Variants in GALNT5 observed in about 807,000 individuals in gnomAD.
GALNT5 encodes the protein UDP-GalNAc:polypeptide N-acetylgalactosaminyltransferase 5.
A neutral mutation model predicts 85.4 loss-of-function variants in GALNT5; 72 were observed. The observed-to-expected ratio is 0.84, with a 90% CI of 0.70 to 1.03. The LOEUF (loss-of-function observed/expected upper bound fraction) is 1.03, where lower values mean the gene tolerates loss of function less well. Ranked by LOEUF, GALNT5 falls within the 50% of genes least tolerant of loss-of-function variation. GALNT5 has a pLI of 0.00. For synonymous variants in GALNT5, 404 were observed against 397.0 expected (o/e 1.02, Z -0.21); for missense variants, 1,137 against 1,135.5 (o/e 1.00, Z -0.02).
chr2:157,307,130 A>G (rs1683470646), intron 8 of GALNT5, among the ~76,000 whole-genome samples: 1 of 152,114 alleles, frequency 6.6e-6, no homozygotes, highest in African/African-American at 2.4e-5. Flanking sequence ...TTGGATGCTG[A>G]GAGGCAAAAG....
chr2:157,295,432 T>G (rs551471145), intron 3 of GALNT5, among the ~76,000 whole-genome samples: 2 of 152,206 alleles, frequency 1.3e-5, no homozygotes, highest in South Asian at 4.1e-4. Flanking sequence ...AAATGGCTTA[T>G]CAATTTTTTC....
chr2:157,277,863 T>G (rs1414537830), intron 1 of GALNT5, among the ~76,000 whole-genome samples: 1 of 152,220 alleles, frequency 6.6e-6, no homozygotes, highest in Non-Finnish European at 1.5e-5. Context: ...ATCCTTTCAT[T>G]ATGATGTTAG....
In GALNT5 at chr2:157,284,379, A is replaced by T; in HGVS notation, c.1552A>T (p.Ser518Cys). 1 of 1,613,864 alleles carries T rather than the reference A, an allele frequency of 6.2e-7. No individual in the cohort carries two copies. Among genetic ancestry groups the T allele is most frequent in the Non-Finnish European group, 8.5e-7 (1 of 1,179,750 alleles). Residue 518 changes from serine (S) to cysteine (C), a missense_variant, in exon 2 of 10, where the codon AGT (serine) becomes TGT (cysteine). Transcript: ENST00000259056. ...GTCCACTCTCCTGAGATCTGTTCAC[A>T]GTGTCATCAATCGCTCTCCTCCACA... The part of the protein sequence containing the change: ...VWSTLLRSVH[S>C]VINRSPPHLI...
rs1188054786 is a variant in GALNT5, at chr2:157,312,133, A to T, written c.*785A>T. ...TGGATTTTTTTTAAGGCAATGAAAA[A>T]AGGCTGGATTATAACACACTGTAGT... On this transcript the variant is annotated 3_prime_UTR_variant, in exon 10 of 10. Transcript: ENST00000259056. 1 of 152,158 alleles carries T rather than the reference A, an allele frequency of 6.6e-6. No homozygotes were observed. Among genetic ancestry groups the T allele is most frequent in the Admixed American group, 6.5e-5 (1 of 15,276 alleles). The allele number at this position is 152,158 out of a possible 1,614,324, so 9.4% of individuals were successfully genotyped here.
chr2:157,299,162 G>A (rs1360366910), intron 5 of GALNT5: 1 of 154,754 alleles, frequency 6.5e-6, no homozygotes, highest in African/African-American at 2.4e-5. Flanking sequence ...CACATCCAGT[G>A]TTGCAGATTC....
intron 4 of GALNT5, 125 bp from the exon 5 acceptor site, chr2:157,296,269 G>C: frequency 1.6e-6 from 1 of 635,312 alleles, no homozygotes; most frequent in Non-Finnish European, 2.7e-6. Flanking sequence ...ATTAAAAGGT[G>C]GTGATCTAAA....
rs1683670234 is a variant in GALNT5 at position 157,315,114 on chromosome 2, G to A, written c.*3766G>A. On this transcript the variant is annotated 3_prime_UTR_variant, in exon 10 of 10. Transcript: ENST00000259056. ...ATAATAATTTTTACCTCAGAAGAAA[G>A]CCCCAAAATCTTGGATTAAAACAAA... 6.6e-6 allele frequency among the ~76,000 whole-genome samples: 1 copy of A among 151,980 alleles called. No homozygotes were observed. Among genetic ancestry groups the A allele is most frequent in the Admixed American group, 6.6e-5 (1 of 15,260 alleles).
intron 2 of GALNT5, among the ~76,000 whole-genome samples, chr2:157,284,680 G>A (rs1345342628): frequency 3.9e-5 from 6 of 152,166 alleles, no homozygotes; most frequent in Non-Finnish European, 8.8e-5. Flanking sequence ...CTACCATGTT[G>A]GAATGATCTA....
chr2:157,294,698 T>C lies in GALNT5; in HGVS notation c.1742-965T>C, dbSNP rs1574028942. On this transcript the variant is annotated intron_variant, in intron 3 of 9. Coordinates refer to ENST00000259056, the MANE Select transcript of GALNT5 (RefSeq NM_014568.3). Reference sequence around the variant, plus strand: ...GGTAGAGCCTTTGTATTACCTGTGGTTGGGCCTGAAAGATCACACATAGGA... The same window carrying C: ...GGTAGAGCCTTTGTATTACCTGTGGCTGGGCCTGAAAGATCACACATAGGA... Among the ~76,000 whole-genome samples, 3 of 152,098 alleles carry C rather than the reference T, an allele frequency of 2.0e-5. 1 individual carries two copies. The highest frequency in any genetic ancestry group is 6.8e-3 in the Middle Eastern group (2 of 294).
chr2:157,259,377 C>A lies in GALNT5; in HGVS notation c.1295C>A (p.Pro432Gln). Reference sequence around the variant, plus strand: ...TTAAGAATTGATGTGACACTTTCTCCAAGGGACCCCAAAGCTCCAGGGCAG... The same window carrying A: ...TTAAGAATTGATGTGACACTTTCTCAAAGGGACCCCAAAGCTCCAGGGCAG... ...QVLRIDVTLS[P>Q]RDPKAPGQFG... The change falls in exon 1 of 10, where the codon CCA becomes CAA. Residue 432 changes from proline to glutamine, a missense_variant. By Grantham distance (76) the Pro-to-Gln change is moderately conservative. Transcript: ENST00000259056. 1 of 1,505,268 alleles carries A rather than the reference C, an allele frequency of 6.6e-7. No individual in the cohort carries two copies. Among genetic ancestry groups the A allele is most frequent in the Non-Finnish European group, 8.9e-7 (1 of 1,123,808 alleles). 93.2% of individuals were successfully genotyped at this position (1,505,268 alleles called of 1,614,324 possible). A position where few individuals can be genotyped will look rare whatever the true frequency, so the allele number is the denominator to read the frequency against.
chr2:157,298,671 T>G (rs2105159766), intron 5 of GALNT5: 1 of 152,348 alleles, frequency 6.6e-6, no homozygotes, highest in Middle Eastern at 3.4e-3. Flanking sequence ...CGTTCATGTG[T>G]TTCGTTCCTT....
Position 157,316,302 on chromosome 2 carries a change from T to C in GALNT5, c.*4954T>C, listed in dbSNP as rs1159381766. On this transcript the variant is annotated 3_prime_UTR_variant, in exon 10 of 10. Coordinates refer to ENST00000259056, the MANE Select transcript of GALNT5 (RefSeq NM_014568.3). ...TTTCAGGCTGCTTTTTGTTAGAAAA[T>C]AAGTGGCTTGGGGGCTGCTTTTTAT... 6.6e-6 allele frequency among the ~76,000 whole-genome samples: 1 copy of C among 151,886 alleles called. No homozygotes were observed. The highest frequency in any genetic ancestry group is 1.5e-5 in the Non-Finnish European group (1 of 67,960).
At position 157,318,043 on chromosome 2, in the gene GALNT5, T is replaced by A. The variant is rs1266433433; in HGVS notation, c.*6695T>A. On this transcript the variant is annotated 3_prime_UTR_variant, in exon 10 of 10. Transcript: ENST00000259056. ...GACATTGCATTTTACAATCCTATTG[T>A]TTTTTAGAGTGATGAAAGTTCAAGT... Among the ~76,000 whole-genome samples, 2 of 152,156 alleles carry A rather than the reference T, an allele frequency of 1.3e-5. No homozygotes were observed. The highest frequency in any genetic ancestry group is 2.9e-5 in the Non-Finnish European group (2 of 68,006).
chr2:157,308,617 G>T lies in GALNT5; in HGVS notation c.2571G>T (p.Trp857Cys), dbSNP rs759168159. 2 of 1,613,526 alleles carry T rather than the reference G, an allele frequency of 1.2e-6. No homozygotes were observed. Among genetic ancestry groups the T allele is most frequent in the Admixed American group, 1.7e-5 (1 of 59,974 alleles). Residue 857 changes from tryptophan to cysteine, a missense_variant, in exon 9 of 10, where the codon TGG (tryptophan) becomes TGT (cysteine). Physicochemically the swap from Trp to Cys is radical, Grantham distance 215. Transcript: ENST00000259056. ...TAAGACTTATTAAATGTGGAGAATG[G>T]TGTATAGCCCCCATCCCTGATAAAG... is the stretch of plus-strand genomic sequence containing the variant. ...TWLRLIKCGE[W>C]CIAPIPDKGA... is the part of the protein sequence containing the mutation.
rs1683735611 is a variant in GALNT5 at position 157,317,252 on chromosome 2, C to A, written c.*5904C>A. ...GAAAGAAATATCAAGAGTTTCTATT[C>A]ACAACATAAAGAAAATAAAATGTTT... On this transcript the variant is annotated 3_prime_UTR_variant, in exon 10 of 10. Coordinates refer to ENST00000259056, the MANE Select transcript of GALNT5 (RefSeq NM_014568.3). Among the ~76,000 whole-genome samples the A allele has an allele frequency of 6.9e-6, 1 of 145,608 alleles. No homozygotes were observed. Among genetic ancestry groups the A allele is most frequent in the Admixed American group, 6.9e-5 (1 of 14,434 alleles).
intron 7 of GALNT5, among the ~76,000 whole-genome samples, chr2:157,301,863 T>C (rs762329595): frequency 6.6e-6 from 1 of 152,112 alleles, no homozygotes; most frequent in Non-Finnish European, 1.5e-5. Flanking sequence ...AAGGATGGTA[T>C]CCAAAGGGAA....
At chr2:157,298,705 T>C (rs1216012545) in intron 5 of GALNT5, 1 of 152,284 alleles carries the variant, frequency 6.6e-6, no homozygotes, top group Non-Finnish European at 1.5e-5. Flanking sequence ...TGTTCAACTC[T>C]TTGTTCAAAA....
At chr2:157,292,917 T>G (rs1285355101) in intron 3 of GALNT5, among the ~76,000 whole-genome samples, 1 of 152,186 alleles carries the variant, frequency 6.6e-6, no homozygotes, top group Non-Finnish European at 1.5e-5. Context: ...TTGGCCAGGA[T>G]GGCCTTGATC....
Position 157,301,006 on chromosome 2 carries a change from T to A in GALNT5, c.2439+7T>A, listed in dbSNP as rs757527656. The A allele has an allele frequency of 1.6e-5, 26 of 1,592,392 alleles. No individual in the cohort carries two copies. Among genetic ancestry groups the A allele is most frequent in the Non-Finnish European group, 2.2e-5 (26 of 1,166,188 alleles). On this transcript the variant is annotated splice_region_variant and intron_variant, in intron 7 of 9. Coordinates refer to ENST00000259056, the MANE Select transcript of GALNT5 (RefSeq NM_014568.3). ...TGTGAGAGCTAGTGGTGTGGTAAGT[T>A]CAAGTGGCAATTTAAAATCTTACTC... is the stretch of plus-strand genomic sequence containing the variant.
Sources: allele counts gnomAD v4.1 joint callset (sites outside exome capture counted in the v4.1 genomes callset), GRCh38; gene constraint gnomAD v4.1.1; transcripts MANE v1.5; gene names NCBI Gene and HGNC (gene_info 2026-07-23, HGNC 2026-07-21).